The following TESPA1 variants were observed in gnomAD, a reference collection of about 807,000 sequenced individuals.
TESPA1 encodes protein TESPA1.
TESPA1 carries 33 observed loss-of-function variants against 57.9 expected under a neutral mutation model. The ratio of observed to expected loss-of-function variants is 0.57; its 90% CI spans 0.43 to 0.76. TESPA1 has a LOEUF of 0.76. Ranked by LOEUF, TESPA1 falls within the 30% of genes least tolerant of loss-of-function variation. The probability of loss-of-function intolerance (pLI) is 0.00; values close to 1 mark genes in which losing one functional copy is unlikely to be tolerated. For missense variants in TESPA1, 618 were observed against 632.9 expected, an observed-to-expected ratio of 0.98 and a Z score of 0.25; for synonymous variants, 227 against 228.9, an observed-to-expected ratio of 0.99 and a Z score of 0.07.
chr12:54,952,997 C>T (rs902059591), intron 10 of TESPA1, among the ~76,000 whole-genome samples: 2 of 152,054 alleles, frequency 1.3e-5, no homozygotes, highest in Non-Finnish European at 2.9e-5. Context: ...TCCTGAATAT[C>T]TCAAAATCTC....
rs2171497 is a variant in TESPA1 at position 54,950,349 on chromosome 12, C to A, written c.*43G>T. The A allele has an allele frequency of 8.8e-6, 4 of 456,656 alleles. No homozygotes were observed. Among genetic ancestry groups the A allele is most frequent in the South Asian group, 4.6e-5 (3 of 64,562 alleles). The allele number at this position is 456,656 out of a possible 1,614,324, so 28.3% of individuals were successfully genotyped here. A position where few individuals can be genotyped will look rare whatever the true frequency, so the allele number is the denominator to read the frequency against. ...TGGCTTTTAGTTTCTTCTTTGAAGC[C>A]AATTCTGTCAGACCACATGCTGTTG... On this transcript the variant is annotated 3_prime_UTR_variant, in exon 11 of 11. Coordinates refer to ENST00000449076, the MANE Select transcript of TESPA1 (RefSeq NM_001136030.3).
intron 7 of TESPA1, among the ~76,000 whole-genome samples, chr12:54,964,265 C>G (rs533619628): frequency 6.6e-6 from 1 of 152,174 alleles, no homozygotes; most frequent in South Asian, 2.1e-4. Context: ...AGCATAGATA[C>G]AAATAAATTT....
chr12:54,962,376 G>T (rs1272928180), intron 9 of TESPA1, 55 bp downstream of exon 9: 1 of 1,563,818 alleles, frequency 6.4e-7, no homozygotes, highest in Admixed American at 1.8e-5. Context: ...CATCTTCTGG[G>T]AAAGAATCTA....
At chr12:54,964,179 G>A (rs1951272132) in intron 7 of TESPA1, among the ~76,000 whole-genome samples, 1 of 152,130 alleles carries the variant, frequency 6.6e-6, no homozygotes, top group African/African-American at 2.4e-5. Context: ...TAAAATTTTA[G>A]TACAGTACTT....
intron 1 of TESPA1, among the ~76,000 whole-genome samples, chr12:54,980,324 C>T (rs1952267275): frequency 6.6e-6 from 1 of 152,176 alleles, no homozygotes; most frequent in Non-Finnish European, 1.5e-5. Flanking sequence ...TTTCTGACTC[C>T]AGCTAGGTGA....
At position 54,963,857 on chromosome 12, in the gene TESPA1, C is replaced by G. The variant is rs779831590; in HGVS notation, c.540G>C (p.Arg180=). ...FGQEDHKDTS[R]IPARFFTTPS... ...GGGTGGTGAAAAATCGGGCGGGTAT[C>G]CGAGAAGTGTCTTTGTGATCCTCTT... The change falls in exon 8 of 11, where the codon CGG becomes CGC. Residue 180 remains arginine (R), a synonymous_variant. Coordinates refer to ENST00000449076, the MANE Select transcript of TESPA1 (RefSeq NM_001136030.3). 2.5e-6 allele frequency: 4 copies of G among 1,613,968 alleles called. 1 individual carries two copies. The South Asian group carries it at 3.3e-5, about 13-fold the overall frequency.
At chr12:54,982,079 A>G (rs1424929485) in intron 1 of TESPA1, 1 of 152,272 alleles carries the variant, frequency 6.6e-6, no homozygotes, top group African/African-American at 2.4e-5. Context: ...GAGCTGCGGG[A>G]AATCCCAGAG....
At chr12:54,978,056 T>G (rs1197266434) in intron 1 of TESPA1, among the ~76,000 whole-genome samples, 1 of 151,354 alleles carries the variant, frequency 6.6e-6, no homozygotes, top group East Asian at 1.9e-4. Context: ...AAGCGGCAAA[T>G]GATTATCAGA....
intron 7 of TESPA1, among the ~76,000 whole-genome samples, chr12:54,965,697 T>A (rs539652398): frequency 5.9e-5 from 9 of 152,164 alleles, no homozygotes; most frequent in Non-Finnish European, 1.3e-4. Flanking sequence ...TCCGAATGAA[T>A]TAATATTTTA....
chr12:54,964,584 G>T lies in TESPA1; in HGVS notation c.447-634C>A, dbSNP rs191097855. Among the ~76,000 whole-genome samples the T allele has an allele frequency of 1.2e-3, 182 of 152,320 alleles. 3 individuals carry two copies. The South Asian group carries it at 0.016, about 13-fold the overall frequency. ...CTAAATCGGAGTTCCACCAACTTGGGTGACACTAGAGCTTAGTAATTGTGT... is the reference window on the plus strand; with the variant it reads ...CTAAATCGGAGTTCCACCAACTTGGTTGACACTAGAGCTTAGTAATTGTGT... On this transcript the variant is annotated intron_variant, in intron 7 of 10. Transcript: ENST00000449076.
intron 10 of TESPA1, among the ~76,000 whole-genome samples, chr12:54,951,469 G>C (rs1477650060): frequency 6.6e-6 from 1 of 152,068 alleles, no homozygotes. Context: ...CTAAACCATA[G>C]CCTTTCCCAT....
intron 4 of TESPA1, 110 bp downstream of exon 4, chr12:54,967,733 T>G: frequency 7.7e-7 from 1 of 1,293,994 alleles, no homozygotes; most frequent in Non-Finnish European, 1.1e-6. Context: ...ACTCAGGGAC[T>G]CTTTTGCATG....
At chr12:54,982,793 G>A (rs992276544) in intron 1 of TESPA1, among the ~76,000 whole-genome samples, 1 of 152,080 alleles carries the variant, frequency 6.6e-6, no homozygotes, top group Non-Finnish European at 1.5e-5. Context: ...CATTTCCTTG[G>A]TAATAAGCTC....
At chr12:54,957,583 G>C (rs942671244) in intron 10 of TESPA1, among the ~76,000 whole-genome samples, 1 of 152,174 alleles carries the variant, frequency 6.6e-6, no homozygotes, top group Non-Finnish European at 1.5e-5. Context: ...AGAGAAATAG[G>C]TTATAGCTTT....
At chr12:54,973,631 T>G in intron 2 of TESPA1, 112 bp from the exon 3 acceptor site, 2 of 1,571,764 alleles carry the variant, frequency 1.3e-6, no homozygotes, top group Non-Finnish European at 1.7e-6. Flanking sequence ...TCATGAATCT[T>G]TTTTTCTACA....
intron 1 of TESPA1, among the ~76,000 whole-genome samples, chr12:54,982,741 T>C (rs952244881): frequency 2.6e-5 from 4 of 152,206 alleles, no homozygotes; most frequent in South Asian, 2.1e-4. Flanking sequence ...TTCTCAACCA[T>C]TGTGTTAGCT....
chr12:54,953,405 C>T (rs1413732649), intron 10 of TESPA1, among the ~76,000 whole-genome samples: 1 of 152,188 alleles, frequency 6.6e-6, no homozygotes, highest in Non-Finnish European at 1.5e-5. Flanking sequence ...ACCTTTCTCT[C>T]TGCCTAGAAT....
intron 3 of TESPA1, among the ~76,000 whole-genome samples, chr12:54,969,801 C>T (rs938711063): frequency 2.6e-5 from 4 of 152,116 alleles, no homozygotes; most frequent in Non-Finnish European, 5.9e-5. Flanking sequence ...GTATTTGTTA[C>T]CCTTGGAAGC....
chr12:54,978,244 T>G (rs934216770), intron 1 of TESPA1, among the ~76,000 whole-genome samples: 1 of 152,126 alleles, frequency 6.6e-6, no homozygotes, highest in Non-Finnish European at 1.5e-5. Flanking sequence ...TTTGGTGCAG[T>G]GAAAAGAAAA....
Sources: allele counts gnomAD v4.1 joint callset (sites outside exome capture counted in the v4.1 genomes callset), GRCh38; gene constraint gnomAD v4.1.1; transcripts MANE v1.5; gene names NCBI Gene and HGNC (gene_info 2026-07-23, HGNC 2026-07-21).